NAV3: variants seen among roughly 807,000 people sequenced by gnomAD.
NAV3 encodes pore membrane and/or filament interacting like protein 1.
A neutral mutation model predicts 244.7 loss-of-function variants in NAV3; 87 were observed. The observed-to-expected ratio is 0.36, with a 90% CI of 0.30 to 0.42. NAV3 has a LOEUF of 0.42. NAV3 is among the 20% of genes least tolerant of loss of function. The pLI, the probability that NAV3 is intolerant of heterozygous loss-of-function variation, is 1.00. For missense variants in NAV3, 2,663 were observed against 2,893.3 expected (o/e 0.92, Z 1.83); for synonymous variants, 1,126 against 1,042.2 (o/e 1.08, Z -1.55).
At chr12:78,161,984 G>T (rs972616888) in intron 23 of NAV3, among the ~76,000 whole-genome samples, 2 of 152,082 alleles carry the variant, frequency 1.3e-5, no homozygotes, top group Non-Finnish European at 2.9e-5. Context: ...AAGGGAGATT[G>T]TTAGGTGTGT....
intron 2 of NAV3, chr12:77,783,694 G>T (rs1247409137): frequency 6.6e-6 from 1 of 152,190 alleles, no homozygotes; most frequent in Non-Finnish European, 1.5e-5. Context: ...TTATAAGAGC[G>T]AGAATATTTT....
At chr12:77,754,858 T>C (rs1430160186) in intron 2 of NAV3, among the ~76,000 whole-genome samples, 1 of 152,306 alleles carries the variant, frequency 6.6e-6, no homozygotes, top group East Asian at 1.9e-4. Flanking sequence ...CTTATAATAC[T>C]GTTATTTGGC....
At chr12:78,086,924 T>C (rs1246136083) in intron 12 of NAV3, among the ~76,000 whole-genome samples, 1 of 152,034 alleles carries the variant, frequency 6.6e-6, no homozygotes, top group African/African-American at 2.4e-5. Flanking sequence ...ACCAACACTT[T>C]TTCCTATTTT....
At chr12:77,785,660 G>C (rs901543137) in intron 2 of NAV3, among the ~76,000 whole-genome samples, 2 of 152,196 alleles carry the variant, frequency 1.3e-5, no homozygotes, top group African/African-American at 4.8e-5. Context: ...ATCAGGACAA[G>C]TATGAGTAGA....
At chr12:77,730,353 A>G (rs1877064032) in intron 2 of NAV3, among the ~76,000 whole-genome samples, 1 of 151,940 alleles carries the variant, frequency 6.6e-6, no homozygotes, top group Non-Finnish European at 1.5e-5. Flanking sequence ...CATTTAGTGA[A>G]CAAAAAGATT....
rs1883916377 is a variant in NAV3, at chr12:78,059,026, T to C, written c.2547T>C (p.Tyr849=). The C allele has an allele frequency of 1.2e-6, 2 of 1,609,594 alleles. No individual in the cohort carries two copies. The highest frequency in any genetic ancestry group is 1.7e-6 in the Non-Finnish European group (2 of 1,177,900). Residue 849 remains tyrosine (Y), a synonymous_variant, in exon 12 of 40, where the codon TAT becomes TAC. Coordinates refer to ENST00000397909, the MANE Select transcript of NAV3 (RefSeq NM_001024383.2). ...TGACAGATGGAGGACTTAACCTATA[T>C]ACTAGAAGTCTGAACCGAATACCAG... ...GYMTDGGLNL[Y]TRSLNRIPDT...
intron 2 of NAV3, among the ~76,000 whole-genome samples, chr12:77,671,051 C>G (rs1480286480): frequency 1.3e-5 from 2 of 152,102 alleles, no homozygotes; most frequent in African/African-American, 4.8e-5. Flanking sequence ...AAAGACTCAT[C>G]CAGAAAGCTC....
intron 2 of NAV3, among the ~76,000 whole-genome samples, chr12:77,730,207 G>A (rs1313597428): frequency 6.6e-6 from 1 of 151,712 alleles, no homozygotes; most frequent in East Asian, 1.9e-4. Flanking sequence ...GGAAAATCAG[G>A]AATAATAACT....
chr12:77,818,240 T>G (rs1872594561), intron 2 of NAV3, among the ~76,000 whole-genome samples: 1 of 152,140 alleles, frequency 6.6e-6, no homozygotes, highest in South Asian at 2.1e-4. Context: ...ATATTTTATT[T>G]CATAAGAATC....
At chr12:78,054,615 T>C (rs1386152291) in intron 11 of NAV3, among the ~76,000 whole-genome samples, 1 of 152,172 alleles carries the variant, frequency 6.6e-6, no homozygotes, top group East Asian at 1.9e-4. Flanking sequence ...ATTAGAAATA[T>C]GGTAGTGGCA....
chr12:78,006,196 C>A (rs1179597773), intron 7 of NAV3, among the ~76,000 whole-genome samples: 2 of 151,958 alleles, frequency 1.3e-5, no homozygotes, highest in South Asian at 2.1e-4. Flanking sequence ...ATAAACACGT[C>A]CCCCCACAGC....
At chr12:77,688,875 G>A (rs1204347179) in intron 2 of NAV3, among the ~76,000 whole-genome samples, 3 of 151,796 alleles carry the variant, frequency 2.0e-5, no homozygotes, top group Non-Finnish European at 4.4e-5. Context: ...TTTATAAGGG[G>A]TAAATAAAAG....
intron 2 of NAV3, among the ~76,000 whole-genome samples, chr12:77,600,210 A>G (rs1280749203): frequency 6.6e-6 from 1 of 151,994 alleles, no homozygotes; most frequent in Non-Finnish European, 1.5e-5. Context: ...AATATTTAGT[A>G]CCTGGACCAG....
intron 2 of NAV3, among the ~76,000 whole-genome samples, chr12:77,720,098 T>A (rs1321297596): frequency 6.6e-6 from 1 of 152,136 alleles, no homozygotes. Flanking sequence ...TAGTTGTTCA[T>A]AAGAGCCTCT....
In NAV3 at chr12:78,011,680, A is replaced by G. The variant is rs1875300446; in HGVS notation, c.1907+4235A>G. On this transcript the variant is annotated intron_variant, in intron 8 of 39. Transcript: ENST00000397909. The stretch of plus-strand genomic sequence containing the variant: ...GCAAATACTAGTAACTGGAACTGCT[A>G]TAGACACTAATGGTTAGGATTTGTA... Among the ~76,000 whole-genome samples the G allele has an allele frequency of 2.6e-5, 4 of 152,180 alleles. No homozygotes were observed. The South Asian group carries it at 6.2e-4, about 24-fold the overall frequency.
intron 5 of NAV3, among the ~76,000 whole-genome samples, chr12:77,992,338 G>A (rs1306320249): frequency 1.3e-5 from 2 of 152,088 alleles, no homozygotes; most frequent in Non-Finnish European, 2.9e-5. Context: ...GGAAAACATA[G>A]GTACAAATGG....
At position 77,691,327 on chromosome 12, in the gene NAV3, G is replaced by GTATATATATA. The variant is rs1565774001; in HGVS notation, c.72+119062_72+119063insATATATATAT. 3.0e-4 allele frequency among the ~76,000 whole-genome samples: 3 copies of GTATATATATA among 10,080 alleles called. No individual in the cohort carries two copies. In the East Asian group the frequency reaches 0.062, roughly 210 times the overall value. The allele number at this position is 10,080 out of a possible 152,430, so 6.6% of individuals were successfully genotyped here. ...TCTATATAGTCATATATAAGTATTT[G>GTATATATATA]TGTATGTGTGTATATATATATATAT... On this transcript the variant is annotated intron_variant, in intron 2 of 8. Transcript: ENST00000550042.
intron 27 of NAV3, 133 bp from the exon 28 acceptor site, chr12:78,177,487 A>G: frequency 8.7e-7 from 1 of 1,143,698 alleles, no homozygotes. Context: ...TTTCATTTTC[A>G]TTTTTCTTTT....
chr12:77,623,739 C>T (rs984690427), intron 2 of NAV3, among the ~76,000 whole-genome samples: 26 of 152,164 alleles, frequency 1.7e-4, no homozygotes, highest in African/African-American at 6.0e-4. Context: ...GAGAGATAAG[C>T]CTTATCAGTA....
Sources: gnomAD v4.1 joint callset for allele counts (sites outside exome capture counted in the v4.1 genomes callset) on GRCh38, gnomAD v4.1.1 for gene constraint, MANE v1.5 for transcripts, NCBI Gene and HGNC (gene_info 2026-07-23, HGNC 2026-07-21) for gene names.